ANKRD18B: variants seen among roughly 807,000 people sequenced by gnomAD.
ANKRD18B encodes the protein ankyrin repeat domain 18B, also known as ankyrin repeat domain-containing protein 18B.
Under a neutral mutation model 111.8 loss-of-function variants are expected in ANKRD18B, and 75 were observed. The ratio of observed to expected loss-of-function variants is 0.67; its 90% CI spans 0.56 to 0.81. The LOEUF is 0.81. Ranked by LOEUF, ANKRD18B falls within the 40% of genes least tolerant of loss-of-function variation. The probability of loss-of-function intolerance (pLI) is 0.00; values close to 1 mark genes in which losing one functional copy is unlikely to be tolerated. For missense variants in ANKRD18B, 1,038 were observed against 1,225.5 expected, an observed-to-expected ratio of 0.85 and a Z score of 2.28; for synonymous variants, 356 against 417.3, an observed-to-expected ratio of 0.85 and a Z score of 1.79.
chr9:33,554,227 A>G (rs1828490137), intron 12 of ANKRD18B, among the ~76,000 whole-genome samples: 1 of 152,070 alleles, frequency 6.6e-6, no homozygotes, highest in South Asian at 2.1e-4. Context: ...AGCAAAGTAT[A>G]CTGGTGAATA....
In ANKRD18B at chr9:33,567,246, A is replaced by G; in HGVS notation, c.2886A>G (p.Leu962=). The change falls in exon 16 of 19, where the codon TTA becomes TTG. Residue 962 remains leucine, a synonymous_variant. Transcript: ENST00000684830. ...CTTATGAAGATGTTACAACTGAATT[A>G]GAAGAGTATAAGGAAGCCTTTGCAG... ...KTAYEDVTTE[L]EEYKEAFAVA... The G allele has an allele frequency of 6.5e-7, 1 of 1,549,966 alleles. No homozygotes were observed. Among genetic ancestry groups the G allele is most frequent in the Non-Finnish European group, 8.7e-7 (1 of 1,146,280 alleles).
intron 12 of ANKRD18B, among the ~76,000 whole-genome samples, chr9:33,553,502 C>A (rs1346439299): frequency 6.6e-6 from 1 of 152,122 alleles, no homozygotes; most frequent in Non-Finnish European, 1.5e-5. Context: ...AATCAATAGC[C>A]TCTAACTTCT....
chr9:33,568,542 T>G (rs1224982806), intron 16 of ANKRD18B, 129 bp from the exon 17 acceptor site: 3 of 745,864 alleles, frequency 4.0e-6, no homozygotes, highest in Non-Finnish European at 6.2e-6. Context: ...CTCACACATC[T>G]TCGTGTGAAA....
chr9:33,525,405 A>C (rs1464805958), intron 1 of ANKRD18B, among the ~76,000 whole-genome samples: 1 of 152,246 alleles, frequency 6.6e-6, no homozygotes, highest in African/African-American at 2.4e-5. Context: ...AGATATATAC[A>C]TAGGGATTGA....
At chr9:33,536,752 A>G in intron 5 of ANKRD18B, 126 bp from the exon 6 acceptor site, 2 of 577,588 alleles carry the variant, frequency 3.5e-6, no homozygotes, top group Non-Finnish European at 5.5e-6. Flanking sequence ...TTTAAAGTGT[A>G]TTGGACATTA....
At chr9:33,527,922 C>G (rs1366097628) in intron 1 of ANKRD18B, among the ~76,000 whole-genome samples, 2 of 152,124 alleles carry the variant, frequency 1.3e-5, no homozygotes, top group Non-Finnish European at 2.9e-5. Flanking sequence ...AAAATGTGAC[C>G]TAATCTTTAA....
chr9:33,565,282 G>A (rs1828668313), intron 14 of ANKRD18B, among the ~76,000 whole-genome samples: 1 of 152,144 alleles, frequency 6.6e-6, no homozygotes, highest in African/African-American at 2.4e-5. Flanking sequence ...TTTCCCCAAT[G>A]TATGTTCTTG....
rs1363366829 is a variant in ANKRD18B, at chr9:33,541,181, A to G, written c.1032A>G (p.Lys344=). 1.9e-6 allele frequency: 3 copies of G among 1,543,406 alleles called. No individual in the cohort carries two copies. The African/African-American group carries it at 4.2e-5, about 21-fold the overall frequency. The change falls in exon 9 of 19, where the codon AAA becomes AAG. Residue 344 remains lysine, a synonymous_variant. Coordinates refer to ENST00000684830, the MANE Select transcript of ANKRD18B (RefSeq NM_001393611.1). ...CTATGAAGCCTGAAAATTTGAAAAA[A>G]AGAAAAAAAAGAAAAAAATTGAAAA... ...TAAMKPENLK[K]RKKRKKLKKR...
intron 17 of ANKRD18B, among the ~76,000 whole-genome samples, chr9:33,569,674 C>A (rs1233644541): frequency 1.3e-5 from 2 of 152,124 alleles, no homozygotes; most frequent in Middle Eastern, 3.2e-3. Context: ...TTTAATAGAA[C>A]CCAAAATAAG....
intron 10 of ANKRD18B, among the ~76,000 whole-genome samples, chr9:33,543,528 T>C (rs1455488137): frequency 6.7e-6 from 1 of 150,314 alleles, no homozygotes; most frequent in East Asian, 1.9e-4. Context: ...TTCTTCCTGA[T>C]AAAGAAGGTA....
At chr9:33,566,953 T>C (rs1828694605) in intron 15 of ANKRD18B, 150 bp from the exon 16 acceptor site, 1 of 710,798 alleles carries the variant, frequency 1.4e-6, no homozygotes, top group Non-Finnish European at 2.2e-6. Flanking sequence ...ATTAGTTTTG[T>C]TGATATTGCT....
intron 3 of ANKRD18B, among the ~76,000 whole-genome samples, chr9:33,531,187 A>T (rs1443950080): frequency 1.3e-5 from 2 of 152,226 alleles, no homozygotes; most frequent in East Asian, 3.8e-4. Context: ...GGAAAATTAT[A>T]TACACATAGA....
At position 33,543,165 on chromosome 9, in the gene ANKRD18B, A is replaced by G. The variant is rs1263765918; in HGVS notation, c.1079-20A>G. 1.9e-6 allele frequency: 3 copies of G among 1,540,264 alleles called. No homozygotes were observed. In the African/African-American group the frequency reaches 4.1e-5, roughly 21 times the overall value. On this transcript the variant is annotated intron_variant, in intron 9 of 18. Coordinates refer to ENST00000684830, the MANE Select transcript of ANKRD18B (RefSeq NM_001393611.1). ...TTTTTAAGTCATTCATTTTAACTAA[A>G]CATATGGATTTGTCAGCAGAACACA...
chr9:33,550,067 C>G (rs1014394402), intron 11 of ANKRD18B, among the ~76,000 whole-genome samples: 34 of 152,020 alleles, frequency 2.2e-4, no homozygotes, highest in African/African-American at 7.5e-4. Flanking sequence ...GAGGTAGAGG[C>G]CATGTTACCT....
rs1308341389 is a variant in ANKRD18B at position 33,543,261 on chromosome 9, T to A, written c.1149+6T>A. On this transcript the variant is annotated splice_donor_region_variant and intron_variant, in intron 10 of 18. Transcript: ENST00000684830. ...GTGAAAATAAACAGCCGCAGGTATATAACAATTTAAATTTCTGGTTTAATA... is the reference window on the plus strand; with the variant it reads ...GTGAAAATAAACAGCCGCAGGTATAAAACAATTTAAATTTCTGGTTTAATA... 7.1e-6 allele frequency: 11 copies of A among 1,542,784 alleles called. No individual in the cohort carries two copies. The highest frequency in any genetic ancestry group is 9.6e-6 in the Non-Finnish European group (11 of 1,142,458).
intron 3 of ANKRD18B, among the ~76,000 whole-genome samples, chr9:33,529,400 T>G (rs141187380): frequency 0.11 from 16,455 of 151,904 alleles, 1,072 homozygotes; most frequent in Middle Eastern, 0.19. Context: ...AAGGTAAAAC[T>G]TCTTCTTTTC....
intron 18 of ANKRD18B, chr9:33,571,529 T>C (rs1828775771): frequency 6.2e-6 from 1 of 160,508 alleles, no homozygotes; most frequent in Non-Finnish European, 1.4e-5. Context: ...ATCCATCTCT[T>C]TTTTACTGAT....
chr9:33,556,874 A>G (rs978877360), intron 13 of ANKRD18B, among the ~76,000 whole-genome samples: 1 of 152,198 alleles, frequency 6.6e-6, no homozygotes, highest in African/African-American at 2.4e-5. Flanking sequence ...CATGAAGTAT[A>G]CATCTTATTA....
At chr9:33,538,489 C>T (rs1454496327) in intron 6 of ANKRD18B, among the ~76,000 whole-genome samples, 4 of 152,128 alleles carry the variant, frequency 2.6e-5, no homozygotes, top group Non-Finnish European at 5.9e-5. Flanking sequence ...GTAATCCCAG[C>T]ACATGGCAGG....
Sources: gnomAD v4.1 joint callset for allele counts (sites outside exome capture counted in the v4.1 genomes callset) on GRCh38, gnomAD v4.1.1 for gene constraint, MANE v1.5 for transcripts, NCBI Gene and HGNC (gene_info 2026-07-23, HGNC 2026-07-21) for gene names.